LYZL4: variants seen among roughly 807,000 people sequenced by gnomAD.
LYZL4 encodes the protein lysozyme-like protein 4.
In LYZL4, 13 loss-of-function variants were observed where a neutral mutation model predicts 17.6. That is an observed-to-expected ratio of 0.74 (90% CI 0.48 to 1.18). LYZL4 has a LOEUF of 1.18. Ranked by LOEUF, LYZL4 falls within the 50% of genes most tolerant of loss-of-function variation. The pLI is 0.00. For missense variants in LYZL4, 174 were observed against 188.2 expected (o/e 0.92, Z 0.44); for synonymous variants, 64 against 67.7 (o/e 0.95, Z 0.27).
At chr3:42,398,666 T>C (rs1369417546) in intron 4 of LYZL4, among the ~76,000 whole-genome samples, 1 of 152,198 alleles carries the variant, frequency 6.6e-6, no homozygotes, top group East Asian at 1.9e-4. Context: ...ATTTTAAGCA[T>C]TAAAAACATA....
the LYZL4 span, among the ~76,000 whole-genome samples, chr3:42,377,621 C>CTA: frequency 0.029 from 3,208 of 111,260 alleles, 131 homozygotes; most frequent in African/African-American, 0.11. Context: ...TGATGCATGA[C>CTA]TCTCTGTGTG....
the LYZL4 span, among the ~76,000 whole-genome samples, chr3:42,375,887 T>C: frequency 6.6e-6 from 1 of 152,178 alleles, no homozygotes; most frequent in South Asian, 2.1e-4. Flanking sequence ...ATTCAGTCAA[T>C]TGGGAAATAT....
chr3:42,407,569 A>C, intron 1 of LYZL4: 1 of 331,324 alleles, frequency 3.0e-6, no homozygotes, highest in South Asian at 4.6e-5. Flanking sequence ...AGCAAAACCC[A>C]TTGGCTCCTT....
At chr3:42,377,625 C>G in the LYZL4 span, among the ~76,000 whole-genome samples, 289 of 143,784 alleles carry the variant, frequency 2.0e-3, no homozygotes, top group African/African-American at 6.5e-3. Flanking sequence ...GCATGACTCT[C>G]TGTGTGTGTG....
In LYZL4 at chr3:42,404,274, A is replaced by C. The variant is rs527843126; in HGVS notation, c.293-150T>G. Reference sequence around the variant, plus strand: ...CCTTAGATTTTTATTAGACAACCCTAAGGAGGTAGCAGGATGGAGTCATCT... The same window carrying C: ...CCTTAGATTTTTATTAGACAACCCTCAGGAGGTAGCAGGATGGAGTCATCT... On this transcript the variant is annotated intron_variant, in intron 3 of 4. Coordinates refer to ENST00000287748, the MANE Select transcript of LYZL4 (RefSeq NM_144634.4). 2.1e-5 allele frequency: 12 copies of C among 559,438 alleles called. No individual in the cohort carries two copies. In the South Asian group the frequency reaches 2.9e-4, roughly 14 times the overall value. 34.7% of individuals were successfully genotyped at this position (559,438 alleles called of 1,614,324 possible).
At chr3:42,406,380 G>A (rs377610131) in intron 3 of LYZL4, among the ~76,000 whole-genome samples, 1 of 150,198 alleles carries the variant, frequency 6.7e-6, no homozygotes, top group East Asian at 1.9e-4. Context: ...CACGAAGCCA[G>A]GAGGTGGAGC....
At chr3:42,403,727 G>GT (rs1698700374) in intron 4 of LYZL4, among the ~76,000 whole-genome samples, 1 of 152,152 alleles carries the variant, frequency 6.6e-6, no homozygotes, top group African/African-American at 2.4e-5. Context: ...CAAAAACCTT[G>GT]TAGGAACTTA....
downstream of LYZL4, among the ~76,000 whole-genome samples, chr3:42,394,044 C>T (rs1031284968): frequency 3.3e-5 from 5 of 152,318 alleles, no homozygotes; most frequent in Admixed American, 3.3e-4. Flanking sequence ...CCGCTCACCT[C>T]GGCCTCCCAG....
At chr3:42,383,689 A>T in the LYZL4 span, among the ~76,000 whole-genome samples, 3 of 152,134 alleles carry the variant, frequency 2.0e-5, no homozygotes, top group African/African-American at 7.2e-5. Context: ...AAAACAACAT[A>T]GGATGCTAAT....
the LYZL4 span, among the ~76,000 whole-genome samples, chr3:42,381,529 C>T: frequency 2.6e-5 from 4 of 152,100 alleles, no homozygotes; most frequent in Non-Finnish European, 5.9e-5. Context: ...AAAAAAGCTA[C>T]AGAAAATGAA....
At chr3:42,386,044 C>G in the LYZL4 span, among the ~76,000 whole-genome samples, 1 of 152,110 alleles carries the variant, frequency 6.6e-6, no homozygotes, top group African/African-American at 2.4e-5. Flanking sequence ...GAGGCTGCAC[C>G]GTTCTGATTC....
At chr3:42,390,676 CT>C in the LYZL4 span, among the ~76,000 whole-genome samples, 1 of 152,244 alleles carries the variant, frequency 6.6e-6, no homozygotes, top group East Asian at 1.9e-4. Flanking sequence ...GCTTGCAATA[CT>C]TCTGCCAGCT....
the LYZL4 span, among the ~76,000 whole-genome samples, chr3:42,367,932 G>A: frequency 7.2e-5 from 11 of 152,212 alleles, no homozygotes; most frequent in Non-Finnish European, 1.2e-4. Context: ...GTTAACAGTG[G>A]CTGATATTTC....
the LYZL4 span, among the ~76,000 whole-genome samples, chr3:42,368,856 G>C: frequency 6.6e-6 from 1 of 152,104 alleles, no homozygotes; most frequent in Non-Finnish European, 1.5e-5. Flanking sequence ...TCTCGTTATT[G>C]TTTTAATGTA....
chr3:42,387,465 G>T, the LYZL4 span, among the ~76,000 whole-genome samples: 36 of 152,270 alleles, frequency 2.4e-4, no homozygotes, highest in African/African-American at 8.2e-4. Context: ...TTCTGTGAAG[G>T]CGAAACACAG....
chr3:42,384,054 T>C, the LYZL4 span, among the ~76,000 whole-genome samples: 1 of 152,178 alleles, frequency 6.6e-6, no homozygotes, highest in Admixed American at 6.5e-5. Context: ...GGCATGTCAC[T>C]GTGAAATTTC....
chr3:42,399,295 C>A (rs549173905), intron 4 of LYZL4, among the ~76,000 whole-genome samples: 21 of 152,266 alleles, frequency 1.4e-4, no homozygotes, highest in Admixed American at 1.2e-3. Context: ...TTAAATGCAC[C>A]AAATGGTCTC....
chr3:42,407,178 C>A lies in LYZL4; in HGVS notation c.74G>T (p.Cys25Phe). The A allele has an allele frequency of 1.9e-6, 3 of 1,614,146 alleles. No homozygotes were observed. The highest frequency in any genetic ancestry group is 2.5e-6 in the Non-Finnish European group (3 of 1,180,020). ...VPSGAYILGR[C>F]TVAKKLHDGG... ...ATCGTGGAGTTTCTTAGCCACTGTG[C>A]AACGCCCCAAGATGTAAGCACCACT... Residue 25 changes from cysteine to phenylalanine, a missense_variant, in exon 2 of 5, where the codon TGC becomes TTC. Coordinates refer to ENST00000287748, the MANE Select transcript of LYZL4 (RefSeq NM_144634.4).
At chr3:42,374,816 A>G in the LYZL4 span, among the ~76,000 whole-genome samples, 3 of 152,030 alleles carry the variant, frequency 2.0e-5, no homozygotes, top group East Asian at 1.9e-4. Context: ...CATTCATAGT[A>G]TTTGACTTTT....
Sources: gnomAD v4.1 joint callset for allele counts (sites outside exome capture counted in the v4.1 genomes callset) on GRCh38, gnomAD v4.1.1 for gene constraint, MANE v1.5 for transcripts, NCBI Gene and HGNC (gene_info 2026-07-23, HGNC 2026-07-21) for gene names.